ELMO1: variants seen among roughly 807,000 people sequenced by gnomAD.
ELMO1 encodes the protein engulfment and cell motility protein 1.
A neutral mutation model predicts 98.9 loss-of-function variants in ELMO1; 26 were observed. That is an observed-to-expected ratio of 0.26 (90% CI 0.19 to 0.36). The LOEUF is 0.36. Among genes scored for constraint, ELMO1 ranks in the 10% least tolerant of loss-of-function variants. ELMO1 has a pLI of 1.00. For missense variants in ELMO1, 627 were observed against 935.2 expected (o/e 0.67, Z 4.30); for synonymous variants, 346 against 346.0 (o/e 1.00, Z 0.00).
At chr7:37,326,813 T>A (rs1164377664) in intron 2 of ELMO1, among the ~76,000 whole-genome samples, 1 of 152,170 alleles carries the variant, frequency 6.6e-6, no homozygotes, top group Non-Finnish European at 1.5e-5. Context: ...ACCTACCTTC[T>A]CCTTTAGATA....
intron 16 of ELMO1, among the ~76,000 whole-genome samples, chr7:36,981,880 A>G (rs954064509): frequency 1.3e-5 from 2 of 152,348 alleles, no homozygotes; most frequent in East Asian, 3.9e-4. Flanking sequence ...CTGTTACCAG[A>G]GCAGGTGGTC....
intron 13 of ELMO1, among the ~76,000 whole-genome samples, chr7:37,190,670 T>C (rs1373672153): frequency 6.6e-6 from 1 of 152,016 alleles, no homozygotes; most frequent in African/African-American, 2.4e-5. Flanking sequence ...CGGCTAACTT[T>C]TGTATTTTTA....
chr7:36,852,982 C>A lies in ELMO1; in HGVS notation c.*2569G>T, dbSNP rs1801958024. The stretch of plus-strand genomic sequence containing the variant: ...ACTTGGACTTCACGACAACATCAGT[C>A]TTCCTACTTTACTTCTGCCTTGGAT... On this transcript the variant is annotated 3_prime_UTR_variant, in exon 22 of 22. Coordinates refer to ENST00000310758, the MANE Select transcript of ELMO1 (RefSeq NM_014800.11). 6.6e-6 allele frequency among the ~76,000 whole-genome samples: 1 copy of A among 152,224 alleles called. No individual in the cohort carries two copies. Among genetic ancestry groups the A allele is most frequent in the African/African-American group, 2.4e-5 (1 of 41,456 alleles).
At chr7:37,417,698 TG>T (rs1450591086) in intron 1 of ELMO1, among the ~76,000 whole-genome samples, 2 of 119,872 alleles carry the variant, frequency 1.7e-5, no homozygotes, top group African/African-American at 5.6e-5. Flanking sequence ...AAAAATTAGC[TG>T]GGTGTGGTGG....
chr7:36,907,473 C>A (rs1038080891), intron 16 of ELMO1, among the ~76,000 whole-genome samples: 3 of 152,196 alleles, frequency 2.0e-5, no homozygotes, highest in Non-Finnish European at 4.4e-5. Flanking sequence ...AAAACTCAGA[C>A]AATTAAAACA....
At chr7:36,899,682 A>ATTTTTTTTTTTT (rs1178774148) in intron 16 of ELMO1, among the ~76,000 whole-genome samples, 1 of 5,396 alleles carries the variant, frequency 1.9e-4, no homozygotes, top group Non-Finnish European at 4.1e-4. Flanking sequence ...ATCTTTACTC[A>ATTTTTTTTTTTT]TCTTTTTTTT....
rs538437969 is a variant in ELMO1 at position 37,425,844 on chromosome 7, C to T, written c.-74+22831G>A. 3.3e-5 allele frequency among the ~76,000 whole-genome samples: 5 copies of T among 152,326 alleles called. No homozygotes were observed. The South Asian group carries it at 1.0e-3, about 32-fold the overall frequency. ...TCTCCAACTGTAATACGCTGATATACTGAGAACTTCTCAGGGGATGTCCTA... is the reference window on the plus strand; with the variant it reads ...TCTCCAACTGTAATACGCTGATATATTGAGAACTTCTCAGGGGATGTCCTA... On this transcript the variant is annotated intron_variant, in intron 1 of 21. Coordinates refer to ENST00000310758, the MANE Select transcript of ELMO1 (RefSeq NM_014800.11).
intron 1 of ELMO1, among the ~76,000 whole-genome samples, chr7:37,388,180 A>G (rs60704414): frequency 0.36 from 55,065 of 151,998 alleles, 10,286 homozygotes; most frequent in South Asian, 0.46. Context: ...TAAAAGTCAG[A>G]GTGTGAAATT....
intron 15 of ELMO1, among the ~76,000 whole-genome samples, chr7:37,047,204 G>A (rs1220705853): frequency 6.6e-6 from 1 of 152,192 alleles, no homozygotes; most frequent in East Asian, 1.9e-4. Flanking sequence ...ATACAAGTTT[G>A]TTGAATACAA....
At chr7:37,398,473 C>T (rs552574851) in intron 1 of ELMO1, among the ~76,000 whole-genome samples, 6 of 152,176 alleles carry the variant, frequency 3.9e-5, no homozygotes, top group Non-Finnish European at 7.3e-5. Flanking sequence ...AACCAGAAAG[C>T]GATGGATTCA....
intron 1 of ELMO1, among the ~76,000 whole-genome samples, chr7:37,365,843 C>T (rs192519340): frequency 3.9e-5 from 6 of 152,254 alleles, no homozygotes; most frequent in Middle Eastern, 3.4e-3. Flanking sequence ...CTTGTACTGT[C>T]GTAGTATCAA....
intron 6 of ELMO1, among the ~76,000 whole-genome samples, chr7:37,244,635 T>A (rs1794906863): frequency 6.6e-6 from 1 of 152,200 alleles, no homozygotes; most frequent in Non-Finnish European, 1.5e-5. Flanking sequence ...CATTTGCTTA[T>A]GAGTAAAGGC....
At chr7:37,414,335 T>G (rs1804122070) in intron 1 of ELMO1, among the ~76,000 whole-genome samples, 1 of 152,174 alleles carries the variant, frequency 6.6e-6, no homozygotes, top group Non-Finnish European at 1.5e-5. Context: ...TACAGAAATA[T>G]TCACCAAAAA....
At chr7:37,307,958 C>G (rs916735833) in intron 4 of ELMO1, among the ~76,000 whole-genome samples, 3 of 151,976 alleles carry the variant, frequency 2.0e-5, no homozygotes, top group Non-Finnish European at 4.4e-5. Context: ...ACTAAAAATA[C>G]AAAAATTAGC....
At chr7:37,110,537 C>T (rs900672582) in intron 14 of ELMO1, among the ~76,000 whole-genome samples, 1 of 152,152 alleles carries the variant, frequency 6.6e-6, no homozygotes, top group Admixed American at 6.5e-5. Flanking sequence ...ATGTAACAAA[C>T]CTGCATGTTC....
chr7:36,861,693 C>T lies in ELMO1; in HGVS notation c.1949G>A (p.Cys650Tyr). The T allele has an allele frequency of 6.2e-7, 1 of 1,612,650 alleles. No individual in the cohort carries two copies. Among genetic ancestry groups the T allele is most frequent in the Non-Finnish European group, 8.5e-7 (1 of 1,179,770 alleles). The change falls in exon 21 of 22, where the codon TGC (cysteine) becomes TAC (tyrosine). Residue 650 changes from cysteine to tyrosine, a missense_variant. By Grantham distance (194) the Cys-to-Tyr change is radical. Coordinates refer to ENST00000310758, the MANE Select transcript of ELMO1 (RefSeq NM_014800.11). The part of the protein sequence containing the change: ...LAFSILYDSN[C>Y]QLNFIAPDKH... The stretch of plus-strand genomic sequence containing the variant: ...GTCAGGAGCGATGAAGTTCAGTTGG[C>T]AGTTTGAGTCATACAAGATGGAGAA...
chr7:37,117,408 T>G lies in ELMO1; in HGVS notation c.1191+15722A>C, dbSNP rs564778909. Among the ~76,000 whole-genome samples the G allele has an allele frequency of 1.0e-3, 155 of 152,298 alleles. 1 individual carries two copies. Among genetic ancestry groups the G allele is most frequent in the African/African-American group, 3.5e-3 (146 of 41,572 alleles). On this transcript the variant is annotated intron_variant, in intron 14 of 21. Coordinates refer to ENST00000310758, the MANE Select transcript of ELMO1 (RefSeq NM_014800.11). ...TGTGAGCACACCACGCAGGCACTGC[T>G]ACAGTCAGCTAATAGAGGTTTGTGG...
chr7:37,358,916 G>A (rs542337860), intron 1 of ELMO1, among the ~76,000 whole-genome samples: 40 of 152,300 alleles, frequency 2.6e-4, no homozygotes, highest in Admixed American at 1.7e-3. Flanking sequence ...TGGAGTGGTC[G>A]TGGAGACAGA....
intron 13 of ELMO1, among the ~76,000 whole-genome samples, chr7:37,180,857 G>A (rs372090531): frequency 1.4e-4 from 21 of 151,970 alleles, no homozygotes; most frequent in Admixed American, 4.6e-4. Flanking sequence ...GAGAAAGAGA[G>A]AAAGCAAACA....
Sources: allele counts gnomAD v4.1 joint callset (sites outside exome capture counted in the v4.1 genomes callset), GRCh38; gene constraint gnomAD v4.1.1; transcripts MANE v1.5; gene names NCBI Gene and HGNC (gene_info 2026-07-23, HGNC 2026-07-21).